The following AKAP6 variants were observed in gnomAD, a reference collection of about 807,000 sequenced individuals.
The protein encoded by AKAP6 is A-kinase anchor protein 6.
AKAP6 carries 58 observed loss-of-function variants against 188.5 expected under a neutral mutation model. The observed-to-expected ratio is 0.31, with a 90% CI of 0.25 to 0.38. The LOEUF (loss-of-function observed/expected upper bound fraction) is 0.38, where lower values mean the gene tolerates loss of function less well. AKAP6 is among the 10% of genes least tolerant of loss of function. The pLI is 1.00. For missense variants in AKAP6, 2,710 were observed against 2,740.0 expected (o/e 0.99, Z 0.24); for synonymous variants, 989 against 998.6 (o/e 0.99, Z 0.18).
rs1191758522 is a variant in AKAP6 at position 32,457,877 on chromosome 14, CCTT to C, written c.324+24063_324+24065del. Among the ~76,000 whole-genome samples, 12 of 152,304 alleles carry C rather than the reference CCTT, an allele frequency of 7.9e-5. No homozygotes were observed. In the South Asian group the frequency reaches 2.5e-3, roughly 32 times the overall value. ...ATTTCCATTCACTTGCCTGAGACCT[CCTT>C]CTCCTAATTTTGCAAAGCTGACTTG... is the stretch of plus-strand genomic sequence containing the variant. On this transcript the variant is annotated intron_variant, in intron 2 of 13. Coordinates refer to ENST00000280979, the MANE Select transcript of AKAP6 (RefSeq NM_004274.5).
chr14:32,418,391 A>G lies in AKAP6; in HGVS notation c.-34-15069A>G, dbSNP rs149821309. 2.0e-3 allele frequency among the ~76,000 whole-genome samples: 306 copies of G among 152,340 alleles called. 1 individual carries two copies. Among genetic ancestry groups the G allele is most frequent in the African/African-American group, 7.1e-3 (297 of 41,590 alleles). On this transcript the variant is annotated intron_variant, in intron 1 of 13. Coordinates refer to ENST00000280979, the MANE Select transcript of AKAP6 (RefSeq NM_004274.5). ...AGGCTCAGAAATCATGACCCTGCTT[A>G]GAAACTGCTGCTTCCTTCCTAACAC...
intron 7 of AKAP6, among the ~76,000 whole-genome samples, chr14:32,615,410 T>A (rs973572324): frequency 7.7e-6 from 1 of 129,322 alleles, no homozygotes; most frequent in Non-Finnish European, 1.7e-5. Flanking sequence ...ATAAGTTCCT[T>A]CTTTTTTTTT....
At chr14:32,793,485 A>T (rs7142114) in intron 12 of AKAP6, among the ~76,000 whole-genome samples, 72,925 of 151,980 alleles carry the variant, frequency 0.48, 17,668 homozygotes, top group Non-Finnish European at 0.5. Context: ...ACTATCCTAA[A>T]TATATATGCA....
intron 7 of AKAP6, among the ~76,000 whole-genome samples, chr14:32,668,324 T>A (rs777820589): frequency 6.6e-6 from 1 of 152,144 alleles, no homozygotes. Flanking sequence ...TTGATATGTT[T>A]GTTTGATATA....
intron 11 of AKAP6, among the ~76,000 whole-genome samples, chr14:32,768,085 A>C (rs1250709110): frequency 6.6e-6 from 1 of 152,198 alleles, no homozygotes; most frequent in Non-Finnish European, 1.5e-5. Flanking sequence ...AATGGTGCCC[A>C]ATGAATGCTT....
chr14:32,451,107 T>C (rs2138775728), intron 2 of AKAP6, among the ~76,000 whole-genome samples: 1 of 152,318 alleles, frequency 6.6e-6, no homozygotes, highest in Non-Finnish European at 1.5e-5. Flanking sequence ...GTCTCCTACT[T>C]TGTGCAGGTC....
At chr14:32,727,389 C>T (rs1322021675) in intron 9 of AKAP6, among the ~76,000 whole-genome samples, 2 of 152,016 alleles carry the variant, frequency 1.3e-5, no homozygotes, top group East Asian at 1.9e-4. Context: ...AATAAGTTGC[C>T]AGGTCTCCTA....
At chr14:32,799,824 C>T (rs1312934010) in intron 12 of AKAP6, among the ~76,000 whole-genome samples, 2 of 151,824 alleles carry the variant, frequency 1.3e-5, no homozygotes, top group Non-Finnish European at 2.9e-5. Flanking sequence ...TCAATTAGAT[C>T]AAGTCAAGTG....
At chr14:32,820,285 A>G (rs535490048) in intron 12 of AKAP6, among the ~76,000 whole-genome samples, 2 of 151,504 alleles carry the variant, frequency 1.3e-5, no homozygotes, top group African/African-American at 4.9e-5. Context: ...TGCACTATGT[A>G]TATATATATA....
intron 2 of AKAP6, among the ~76,000 whole-genome samples, chr14:32,463,228 C>T (rs1023071626): frequency 1.2e-4 from 18 of 152,124 alleles, no homozygotes; most frequent in Non-Finnish European, 2.4e-4. Context: ...AGGGCTTGAA[C>T]TCAGCTCTGG....
intron 8 of AKAP6, among the ~76,000 whole-genome samples, chr14:32,684,988 G>A (rs1315711096): frequency 6.6e-6 from 1 of 152,080 alleles, no homozygotes; most frequent in Non-Finnish European, 1.5e-5. Flanking sequence ...GGGCACAGTG[G>A]CTCACACCTG....
chr14:32,463,301 T>C (rs1273687673), intron 2 of AKAP6, among the ~76,000 whole-genome samples: 1 of 152,200 alleles, frequency 6.6e-6, no homozygotes, highest in Non-Finnish European at 1.5e-5. Flanking sequence ...ATATACATTC[T>C]TCTCAGTGCC....
intron 1 of AKAP6, among the ~76,000 whole-genome samples, chr14:32,352,715 A>G (rs911936513): frequency 5.3e-5 from 8 of 152,202 alleles, no homozygotes; most frequent in African/African-American, 1.9e-4. Flanking sequence ...AGGTTTATCT[A>G]TGTTGCTGCA....
chr14:32,566,837 A>G (rs1884211294), intron 4 of AKAP6, among the ~76,000 whole-genome samples: 2 of 152,170 alleles, frequency 1.3e-5, no homozygotes, highest in African/African-American at 2.4e-5. Flanking sequence ...TTAAAAATGA[A>G]CAATTAGGTC....
chr14:32,583,646 C>A (rs565647089), intron 5 of AKAP6, among the ~76,000 whole-genome samples: 1 of 152,228 alleles, frequency 6.6e-6, no homozygotes, highest in South Asian at 2.1e-4. Context: ...AGCTTCCTGG[C>A]TGCTTTGTTT....
chr14:32,781,593 A>G (rs2033252519), intron 12 of AKAP6, among the ~76,000 whole-genome samples: 1 of 152,138 alleles, frequency 6.6e-6, no homozygotes, highest in Admixed American at 6.5e-5. Context: ...CCAGATGTCA[A>G]AAAGGCAATA....
chr14:32,343,039 T>G (rs554769198), intron 1 of AKAP6, among the ~76,000 whole-genome samples: 12 of 152,268 alleles, frequency 7.9e-5, no homozygotes, highest in African/African-American at 2.9e-4. Flanking sequence ...CCGTTGAGAA[T>G]TTAAAAGACC....
At chr14:32,353,433 C>A (rs1329836717) in intron 1 of AKAP6, among the ~76,000 whole-genome samples, 1 of 151,998 alleles carries the variant, frequency 6.6e-6, no homozygotes, top group Admixed American at 6.6e-5. Context: ...TGGTGGCGGG[C>A]GCCTGTAGTC....
chr14:32,523,415 A>T (rs1881956901), intron 2 of AKAP6, among the ~76,000 whole-genome samples: 1 of 152,024 alleles, frequency 6.6e-6, no homozygotes, highest in South Asian at 2.1e-4. Context: ...AAAATAGTTG[A>T]TATCACCAAC....
Sources: gnomAD v4.1 joint callset for allele counts (sites outside exome capture counted in the v4.1 genomes callset) on GRCh38, gnomAD v4.1.1 for gene constraint, MANE v1.5 for transcripts, NCBI Gene and HGNC (gene_info 2026-07-23, HGNC 2026-07-21) for gene names.